Variants in NSUN2 observed in about 807,000 individuals in gnomAD.
The protein encoded by NSUN2 is RNA cytosine C(5)-methyltransferase NSUN2.
NSUN2 carries 63 observed loss-of-function variants against 92.7 expected under a neutral mutation model. The observed-to-expected ratio is 0.68, with a 90% confidence interval of 0.56 to 0.84. The LOEUF (loss-of-function observed/expected upper bound fraction) is 0.84, where lower values mean the gene tolerates loss of function less well. NSUN2 is among the 40% of genes least tolerant of loss of function. The pLI, the probability that NSUN2 is intolerant of heterozygous loss-of-function variation, is 0.00. For synonymous variants in NSUN2, 356 were observed against 348.3 expected (o/e 1.02, Z -0.25); for missense variants, 989 against 964.9 (o/e 1.02, Z -0.33).
intron 3 of NSUN2, among the ~76,000 whole-genome samples, chr5:6,629,383 A>G (rs1359494131): frequency 6.6e-6 from 1 of 152,250 alleles, no homozygotes. Flanking sequence ...TTGACATCGT[A>G]TGGTTTCTCC....
At chr5:6,605,169 G>T (rs531894374) in intron 15 of NSUN2, 104 bp downstream of exon 15, 19 of 1,467,184 alleles carry the variant, frequency 1.3e-5, no homozygotes, top group Middle Eastern at 4.3e-4. Flanking sequence ...CGCTACAGGT[G>T]GGGAGGGCAG....
intron 4 of NSUN2, 75 bp from the exon 5 acceptor site, chr5:6,623,360 G>A (rs924301199): frequency 1.0e-4 from 134 of 1,325,086 alleles, no homozygotes; most frequent in Non-Finnish European, 1.3e-4. Flanking sequence ...CTTTGGCATT[G>A]TTTCAAAGGC....
intron 18 of NSUN2, among the ~76,000 whole-genome samples, chr5:6,600,946 A>G (rs919123525): frequency 2.0e-5 from 3 of 152,126 alleles, no homozygotes; most frequent in African/African-American, 7.2e-5. Context: ...GCCAGGAGGC[A>G]TCGACGCCCC....
chr5:6,633,019 C>A lies in NSUN2; in HGVS notation c.-40G>T, dbSNP rs1195094409. On this transcript the variant is annotated 5_prime_UTR_variant, in exon 1 of 19. Coordinates refer to ENST00000264670, the MANE Select transcript of NSUN2 (RefSeq NM_017755.6). The stretch of plus-strand genomic sequence containing the variant: ...CGCACGCAGCACGCAGAAACCGGCC[C>A]GCCACGGCCAGAACTCTAGCCCTAC... 1.4e-6 allele frequency: 2 copies of A among 1,412,796 alleles called. No homozygotes were observed. Among genetic ancestry groups the A allele is most frequent in the Admixed American group, 3.2e-5 (1 of 31,110 alleles). 87.5% of individuals were successfully genotyped at this position (1,412,796 alleles called of 1,614,324 possible). A position where few individuals can be genotyped will look rare whatever the true frequency, so the allele number is the denominator to read the frequency against.
intron 18 of NSUN2, among the ~76,000 whole-genome samples, chr5:6,600,516 T>G (rs1579349855): frequency 6.6e-6 from 1 of 152,170 alleles, no homozygotes. Flanking sequence ...ATACACTTTC[T>G]ACATACTTCC....
intron 11 of NSUN2, among the ~76,000 whole-genome samples, chr5:6,610,392 T>A (rs1039294485): frequency 6.6e-6 from 1 of 151,616 alleles, no homozygotes; most frequent in Admixed American, 6.6e-5. Context: ...TTGTAATCTT[T>A]AAAAAGTTCA....
At position 6,622,115 on chromosome 5, in the gene NSUN2, A is replaced by C. The variant is rs1367898582; in HGVS notation, c.538-15T>G. ...ATATCTAAGATCTATTAACAAAGCA[A>C]GAAACTGTTTCATGTTTTTAAAAAA... On this transcript the variant is annotated splice_polypyrimidine_tract_variant and intron_variant, in intron 5 of 18. Coordinates refer to ENST00000264670, the MANE Select transcript of NSUN2 (RefSeq NM_017755.6). 1 of 1,596,554 alleles carries C rather than the reference A, an allele frequency of 6.3e-7. No individual in the cohort carries two copies. The highest frequency in any genetic ancestry group is 1.3e-5 in the African/African-American group (1 of 74,412).
In NSUN2 at chr5:6,604,760, T is replaced by G. The variant is rs1053470173; in HGVS notation, c.1738-75A>C. On this transcript the variant is annotated intron_variant, in intron 15 of 18. Transcript: ENST00000264670. Reference sequence around the variant, plus strand: ...TCTCCTGTAAGGATGCCGGGCCACATGGAGCAACCGTCACGGAATGGGAAA... The same window carrying G: ...TCTCCTGTAAGGATGCCGGGCCACAGGGAGCAACCGTCACGGAATGGGAAA... 5.7e-6 allele frequency: 7 copies of G among 1,223,768 alleles called. No individual in the cohort carries two copies. The African/African-American group carries it at 1.0e-4, about 18-fold the overall frequency. The allele number at this position is 1,223,768 out of a possible 1,614,324, so 75.8% of individuals were successfully genotyped here.
Position 6,611,826 on chromosome 5 carries a change from T to C in NSUN2, c.1022-28A>G, listed in dbSNP as rs1314502104. 5 of 1,605,744 alleles carry C rather than the reference T, an allele frequency of 3.1e-6. No homozygotes were observed. In the African/African-American group the frequency reaches 4.0e-5, roughly 13 times the overall value. ...GTGCAGCAAAAGCATGGACGTCTTT[T>C]GTTTTTCAAAAAAGTATTAACACAC... On this transcript the variant is annotated intron_variant, in intron 9 of 18. Coordinates refer to ENST00000264670, the MANE Select transcript of NSUN2 (RefSeq NM_017755.6).
chr5:6,603,218 A>G (rs1736625816), intron 17 of NSUN2, among the ~76,000 whole-genome samples: 1 of 152,214 alleles, frequency 6.6e-6, no homozygotes, highest in South Asian at 2.1e-4. Context: ...TTAGGGGAAA[A>G]CGTCACTGGA....
chr5:6,600,240 T>A lies in NSUN2; in HGVS notation c.1998-8A>T. On this transcript the variant is annotated splice_region_variant and splice_polypyrimidine_tract_variant and intron_variant, in intron 18 of 18. Transcript: ENST00000264670. ...TGCAGAGCGTCTGGATTCCTACAAG[T>A]GAAAGTGGCTTCATGTAGAACATTA... 1 of 1,609,226 alleles carries A rather than the reference T, an allele frequency of 6.2e-7. No homozygotes were observed. Among genetic ancestry groups the A allele is most frequent in the Non-Finnish European group, 8.5e-7 (1 of 1,176,568 alleles).
At chr5:6,605,781 T>C (rs1020063602) in intron 14 of NSUN2, among the ~76,000 whole-genome samples, 5 of 151,694 alleles carry the variant, frequency 3.3e-5, no homozygotes, top group African/African-American at 2.4e-5. Context: ...CACTGCAACC[T>C]CTGCCTCCCG....
chr5:6,614,794 G>A (rs1737145165), intron 9 of NSUN2, among the ~76,000 whole-genome samples: 2 of 152,088 alleles, frequency 1.3e-5, no homozygotes, highest in South Asian at 4.1e-4. Context: ...CAAACAGCAA[G>A]TATCTCCAAT....
intron 2 of NSUN2, 152 bp downstream of exon 2, chr5:6,632,447 C>T (rs1010023748): frequency 1.2e-6 from 1 of 837,566 alleles, no homozygotes; most frequent in Non-Finnish European, 1.9e-6. Flanking sequence ...TTTCATTGGA[C>T]CCTGTGCTCC....
chr5:6,615,423 A>T (rs1737170493), intron 9 of NSUN2, among the ~76,000 whole-genome samples: 1 of 152,214 alleles, frequency 6.6e-6, no homozygotes, highest in African/African-American at 2.4e-5. Flanking sequence ...TTGAAGGTGT[A>T]ATTTCATTAC....
chr5:6,606,214 C>T (rs1266912613), intron 14 of NSUN2, among the ~76,000 whole-genome samples: 6 of 152,210 alleles, frequency 3.9e-5, no homozygotes, highest in Admixed American at 6.5e-5. Flanking sequence ...CTTGGCTACT[C>T]GTCTATATAC....
At chr5:6,616,983 T>C in intron 8 of NSUN2, 126 bp from the exon 9 acceptor site, 1 of 746,718 alleles carries the variant, frequency 1.3e-6, no homozygotes, top group Non-Finnish European at 2.0e-6. Context: ...AAAAAAACCT[T>C]CCAGGGATCT....
chr5:6,619,091 C>T (rs141440210), intron 7 of NSUN2, among the ~76,000 whole-genome samples: 5 of 152,102 alleles, frequency 3.3e-5, no homozygotes, highest in South Asian at 2.1e-4. Context: ...ATACAAGGAA[C>T]GAGTTATCTT....
rs373434274 is a variant in NSUN2, at chr5:6,619,782, G to C, written c.815+324C>G. Reference sequence around the variant, plus strand: ...AGTTGGGGTGCACAAATTGTTCCAAGCAATAACATCCTAAAACACACCACA... The same window carrying C: ...AGTTGGGGTGCACAAATTGTTCCAACCAATAACATCCTAAAACACACCACA... On this transcript the variant is annotated intron_variant, in intron 7 of 18. Coordinates refer to ENST00000264670, the MANE Select transcript of NSUN2 (RefSeq NM_017755.6). 3.0e-4 allele frequency among the ~76,000 whole-genome samples: 46 copies of C among 152,188 alleles called. 1 individual carries two copies. The highest frequency in any genetic ancestry group is 1.1e-3 in the African/African-American group (44 of 41,444).
Sources: gnomAD v4.1 joint callset for allele counts (sites outside exome capture counted in the v4.1 genomes callset) on GRCh38, gnomAD v4.1.1 for gene constraint, MANE v1.5 for transcripts, NCBI Gene and HGNC (gene_info 2026-07-23, HGNC 2026-07-21) for gene names.